The following H2BC4 variants were observed in gnomAD, a reference collection of about 807,000 sequenced individuals.
H2BC4 encodes the protein histone H2B type 1-C/E/F/G/I.
H2BC4 carries 10 observed loss-of-function variants against 6.2 expected under a neutral mutation model. The observed-to-expected ratio is 1.61, with a 90% CI of 0.99 to 2.73. The LOEUF (loss-of-function observed/expected upper bound fraction) is 2.73, where lower values mean the gene tolerates loss of function less well. Among genes scored for constraint, H2BC4 ranks in the 30% most tolerant of loss-of-function variants. H2BC4 has a pLI of 0.00. For missense variants in H2BC4, 176 were observed against 168.7 expected, an observed-to-expected ratio of 1.04 and a Z score of -0.24; for synonymous variants, 146 against 70.7, an observed-to-expected ratio of 2.07 and a Z score of -5.35.
downstream of H2BC4, among the ~76,000 whole-genome samples, chr6:26,120,408 C>A (rs1054759817): frequency 6.0e-5 from 9 of 151,136 alleles, no homozygotes; most frequent in South Asian, 2.1e-4. Flanking sequence ...GAGATTGTGC[C>A]ACTGCACCCC....
chr6:26,123,478 TAAA>T lies in H2BC4; in HGVS notation c.*43_*45del. 1 of 1,611,362 alleles carries T rather than the reference TAAA, an allele frequency of 6.2e-7. No homozygotes were observed. The highest frequency in any genetic ancestry group is 8.5e-7 in the Non-Finnish European group (1 of 1,179,012). On this transcript the variant is annotated 3_prime_UTR_variant, in exon 1 of 1. Coordinates refer to ENST00000396984, the MANE Select transcript of H2BC4 (RefSeq NM_003526.3). ...TTTTAGTGGGTATCTGGGTGGCTCT[TAAA>T]AGAGCCTTTGGGGTTAGGTGTTAAG...
chr6:26,114,357 CACTA>C (rs1384082666), downstream of H2BC4, among the ~76,000 whole-genome samples: 1 of 152,078 alleles, frequency 6.6e-6, no homozygotes, highest in East Asian at 1.9e-4. Flanking sequence ...GAATGACCCT[CACTA>C]ATAGAGTCAT....
chr6:26,121,978 G>A (rs1202631883), downstream of H2BC4, among the ~76,000 whole-genome samples: 1 of 150,922 alleles, frequency 6.6e-6, no homozygotes, highest in Admixed American at 6.6e-5. Flanking sequence ...GCTTGAACCC[G>A]GGAGGCGGAG....
chr6:26,113,325 T>C (rs1763382756), downstream of H2BC4, among the ~76,000 whole-genome samples: 1 of 152,260 alleles, frequency 6.6e-6, no homozygotes. Flanking sequence ...AACATAGTTT[T>C]CTACATACTT....
At chr6:26,123,403 T>C (rs1382582716), downstream of H2BC4, 10 of 1,505,370 alleles carry the variant, frequency 6.6e-6, no homozygotes, top group Non-Finnish European at 5.3e-6. Context: ...AGTTCCTATA[T>C]TCTAATACCC....
downstream of H2BC4, among the ~76,000 whole-genome samples, chr6:26,118,902 T>C (rs1763461849): frequency 6.6e-6 from 1 of 152,178 alleles, no homozygotes; most frequent in Non-Finnish European, 1.5e-5. Context: ...AGATTGGTTA[T>C]TACATTAAGA....
At chr6:26,118,024 G>C (rs1448317098) in intron 1 of H2BC4, among the ~76,000 whole-genome samples, 2 of 152,142 alleles carry the variant, frequency 1.3e-5, no homozygotes, top group Non-Finnish European at 2.9e-5. Flanking sequence ...TCCATGTTAG[G>C]TAGGCCATGT....
chr6:26,116,213 C>A (rs1763417577), intron 1 of H2BC4, among the ~76,000 whole-genome samples: 1 of 152,164 alleles, frequency 6.6e-6, no homozygotes, highest in Non-Finnish European at 1.5e-5. Flanking sequence ...CCCATCATTT[C>A]TGCTCTTTTA....
chr6:26,116,270 AC>A (rs1387364337), intron 1 of H2BC4, among the ~76,000 whole-genome samples: 10 of 152,232 alleles, frequency 6.6e-5, no homozygotes, highest in Non-Finnish European at 1.2e-4. Context: ...GGCATGAGCA[AC>A]TGTAGAAACA....
chr6:26,122,178 A>C (rs978946925), downstream of H2BC4, among the ~76,000 whole-genome samples: 6 of 152,188 alleles, frequency 3.9e-5, no homozygotes, highest in Admixed American at 3.9e-4. Flanking sequence ...GCAGTGTTCA[A>C]GTATAAGGCC....
In H2BC4 at chr6:26,123,545, G is replaced by C. The variant is rs772320204; in HGVS notation, c.360C>G (p.Thr120=). The C allele has an allele frequency of 6.2e-7, 1 of 1,614,150 alleles. No individual in the cohort carries two copies. The highest frequency in any genetic ancestry group is 1.1e-5 in the South Asian group (1 of 91,094). The change falls in exon 1 of 1, where the codon ACC becomes ACG. Residue 120 remains threonine (T), a synonymous_variant. Transcript: ENST00000396984. ...HAVSEGTKAV[T]KYTSSK is the part of the protein sequence containing the mutation. ...ATGTTTACTTGGAGCTGGTGTACTT[G>C]GTGACGGCCTTGGTGCCCTCCGACA...
rs146690970 is a variant in H2BC4, at chr6:26,123,731, C to T, written c.174G>A (p.Lys58=). 8 of 1,614,276 alleles carry T rather than the reference C, an allele frequency of 5.0e-6. No individual in the cohort carries two copies. Among genetic ancestry groups the T allele is most frequent in the South Asian group, 2.2e-5 (2 of 91,090 alleles). The change falls in exon 1 of 1, where the codon AAG becomes AAA. Residue 58 remains lysine (K), a synonymous_variant. Transcript: ENST00000396984. The stretch of plus-strand genomic sequence containing the variant: ...CGAAAGAATTCATGATGCCCATGGC[C>T]TTGGAAGAGATGCCAGTGTCGGGAT... ...QVHPDTGISS[K]AMGIMNSFVN...
At chr6:26,118,790 A>G (rs553084197), downstream of H2BC4, among the ~76,000 whole-genome samples, 5 of 152,308 alleles carry the variant, frequency 3.3e-5, no homozygotes, top group Admixed American at 3.3e-4. Flanking sequence ...ATGTGTTTAC[A>G]CTGGGAAGCA....
chr6:26,113,863 C>CT (rs34825795), downstream of H2BC4, among the ~76,000 whole-genome samples: 69,061 of 146,502 alleles, frequency 0.47, 16,630 homozygotes, highest in Non-Finnish European at 0.54. Context: ...CTCTCTTCCT[C>CT]TTTTTTTTTT....
chr6:26,115,487 A>G (rs1331503135), intron 1 of H2BC4, among the ~76,000 whole-genome samples: 1 of 152,186 alleles, frequency 6.6e-6, no homozygotes, highest in African/African-American at 2.4e-5. Flanking sequence ...AATGTAACCT[A>G]GTCAGTGTCC....
intron 1 of H2BC4, among the ~76,000 whole-genome samples, chr6:26,117,556 C>T (rs972810717): frequency 5.9e-5 from 9 of 152,128 alleles, no homozygotes; most frequent in African/African-American, 9.7e-5. Context: ...CATGATACCA[C>T]GTCTGGAACT....
downstream of H2BC4, among the ~76,000 whole-genome samples, chr6:26,122,435 C>G (rs1763512706): frequency 6.6e-6 from 1 of 152,110 alleles, no homozygotes; most frequent in South Asian, 2.1e-4. Flanking sequence ...CTACGTCTAA[C>G]CCTTCATCTT....
In H2BC4 at chr6:26,123,702, T is replaced by G; in HGVS notation, c.203A>C (p.Asn68Thr). 6.2e-7 allele frequency: 1 copy of G among 1,614,260 alleles called. No individual in the cohort carries two copies. Among genetic ancestry groups the G allele is most frequent in the Non-Finnish European group, 8.5e-7 (1 of 1,180,052 alleles). The change falls in exon 1 of 1, where the codon AAC becomes ACC. Residue 68 changes from asparagine (N) to threonine (T), a missense_variant. Transcript: ENST00000396984. ...GCCCGCGATGCGCTCAAATATGTCG[T>G]TAACGAAAGAATTCATGATGCCCAT... ...KAMGIMNSFV[N>T]DIFERIAGEA...
chr6:26,116,171 A>G (rs1763416741), intron 1 of H2BC4, among the ~76,000 whole-genome samples: 1 of 152,200 alleles, frequency 6.6e-6, no homozygotes, highest in South Asian at 2.1e-4. Context: ...CCTCCTCTAC[A>G]TAGGTCTATT....
Sources: allele counts gnomAD v4.1 joint callset (sites outside exome capture counted in the v4.1 genomes callset), GRCh38; gene constraint gnomAD v4.1.1; transcripts MANE v1.5; gene names NCBI Gene and HGNC (gene_info 2026-07-23, HGNC 2026-07-21).